SLC2A10: variants seen among roughly 807,000 people sequenced by gnomAD.
SLC2A10 encodes solute carrier family 2, facilitated glucose transporter member 10.
Under a neutral mutation model 32.1 loss-of-function variants are expected in SLC2A10, and 25 were observed. The ratio of observed to expected loss-of-function variants is 0.78; its 90% CI spans 0.57 to 1.09. SLC2A10 has a LOEUF of 1.09. SLC2A10 is among the 50% of genes least tolerant of loss of function. The probability of loss-of-function intolerance (pLI) is 0.00; values close to 1 mark genes in which losing one functional copy is unlikely to be tolerated. For synonymous variants in SLC2A10, 332 were observed against 309.6 expected, an observed-to-expected ratio of 1.07 and a Z score of -0.76; for missense variants, 673 against 686.5, an observed-to-expected ratio of 0.98 and a Z score of 0.22.
intron 4 of SLC2A10, among the ~76,000 whole-genome samples, chr20:46,732,975 G>C (rs1013568409): frequency 1.3e-5 from 2 of 152,168 alleles, no homozygotes; most frequent in Non-Finnish European, 2.9e-5. Flanking sequence ...GCCAAGGCGT[G>C]ATGAGCAAAT....
chr20:46,712,079 GA>G (rs1568978464), intron 1 of SLC2A10, among the ~76,000 whole-genome samples: 1 of 152,206 alleles, frequency 6.6e-6, no homozygotes, highest in Non-Finnish European at 1.5e-5. Context: ...AAATGGGAAT[GA>G]CAATAGTGAT....
intron 1 of SLC2A10, among the ~76,000 whole-genome samples, chr20:46,723,710 C>T (rs1185958404): frequency 1.3e-5 from 2 of 152,192 alleles, no homozygotes; most frequent in Non-Finnish European, 2.9e-5. Flanking sequence ...TTTCTCCTGC[C>T]TCATCATCTC....
At position 46,725,412 on chromosome 20, in the gene SLC2A10, C is replaced by G; in HGVS notation, c.376C>G (p.Leu126Val). ...SMACCIYVSE[L>V]VGPRQRGVLV... ...GGCTTGCTGTATCTACGTGTCAGAG[C>G]TGGTGGGGCCACGGCAGCGGGGAGT... The change falls in exon 2 of 5, where the codon CTG (leucine) becomes GTG (valine). Residue 126 changes from leucine to valine, a missense_variant. Transcript: ENST00000359271. The G allele has an allele frequency of 6.2e-7, 1 of 1,614,168 alleles. No individual in the cohort carries two copies. Among genetic ancestry groups the G allele is most frequent in the South Asian group, 1.1e-5 (1 of 91,088 alleles).
chr20:46,720,047 C>T (rs951734206), intron 1 of SLC2A10, among the ~76,000 whole-genome samples: 11 of 152,178 alleles, frequency 7.2e-5, no homozygotes, highest in Non-Finnish European at 1.3e-4. Context: ...CTTAGAGGAA[C>T]AGCATCCATT....
chr20:46,733,255 A>G (rs772946906), intron 4 of SLC2A10, among the ~76,000 whole-genome samples: 1 of 152,196 alleles, frequency 6.6e-6, no homozygotes, highest in South Asian at 2.1e-4. Context: ...CAGCCAGCAC[A>G]TCTTCCATGG....
Position 46,725,498 on chromosome 20 carries a change from C to A in SLC2A10, c.462C>A (p.Asn154Lys). 2 of 1,614,212 alleles carry A rather than the reference C, an allele frequency of 1.2e-6. No individual in the cohort carries two copies. The highest frequency in any genetic ancestry group is 4.5e-5 in the East Asian group (2 of 44,884). ...GCATCCTGCTCTCCTATGCCCTCAA[C>A]TATGCACTGGCTGGTACCCCCTGGG... ...TVGILLSYAL[N>K]YALAGTPWGW... The change falls in exon 2 of 5, where the codon AAC becomes AAA. Residue 154 changes from asparagine to lysine, a missense_variant. Asn to Lys is a moderately conservative substitution (Grantham distance 94). Coordinates refer to ENST00000359271, the MANE Select transcript of SLC2A10 (RefSeq NM_030777.4).
intron 1 of SLC2A10, among the ~76,000 whole-genome samples, chr20:46,724,627 TTGGATGGATGGATGGATGGA>T (rs112083429): frequency 7.4e-6 from 1 of 134,854 alleles, no homozygotes; most frequent in Admixed American, 7.3e-5. Context: ...TGGATGGTGG[TTGGATGGATGGATGGATGGA>T]TGGATGGATG....
In SLC2A10 at chr20:46,735,290, T is replaced by C. The variant is rs1007124816; in HGVS notation, c.*1456T>C. 2.6e-5 allele frequency: 4 copies of C among 152,646 alleles called. No individual in the cohort carries two copies. Among genetic ancestry groups the C allele is most frequent in the African/African-American group, 9.7e-5 (4 of 41,444 alleles). 9.5% of individuals were successfully genotyped at this position (152,646 alleles called of 1,614,324 possible). On this transcript the variant is annotated 3_prime_UTR_variant, in exon 5 of 5. Transcript: ENST00000359271. ...TGGCCTCTCGAGTTCTCCTATCTTCTCCATTCTAGATGCTTCCCTTGTATC... is the reference window on the plus strand; with the variant it reads ...TGGCCTCTCGAGTTCTCCTATCTTCCCCATTCTAGATGCTTCCCTTGTATC...
upstream of SLC2A10, among the ~76,000 whole-genome samples, chr20:46,708,488 T>C (rs925334649): frequency 6.6e-6 from 1 of 152,134 alleles, no homozygotes; most frequent in Admixed American, 6.5e-5. Flanking sequence ...GCACCTCAAA[T>C]GTCACACAGC....
chr20:46,715,823 T>C (rs1004131259), intron 1 of SLC2A10, among the ~76,000 whole-genome samples: 1 of 152,148 alleles, frequency 6.6e-6, no homozygotes, highest in African/African-American at 2.4e-5. Flanking sequence ...CTCAGCTGCT[T>C]ACAACTTTTT....
At chr20:46,713,952 T>C (rs1443870691) in intron 1 of SLC2A10, among the ~76,000 whole-genome samples, 3 of 152,056 alleles carry the variant, frequency 2.0e-5, no homozygotes, top group African/African-American at 4.8e-5. Context: ...GCATGGGAAT[T>C]GGTCAGGAAC....
At chr20:46,718,348 C>G (rs1322395081) in intron 1 of SLC2A10, among the ~76,000 whole-genome samples, 1 of 152,160 alleles carries the variant, frequency 6.6e-6, no homozygotes, top group African/African-American at 2.4e-5. Context: ...AAAGCATTAT[C>G]TGTTTTCTTA....
At chr20:46,733,639 G>T in intron 4 of SLC2A10, 117 bp from the exon 5 acceptor site, 1 of 807,020 alleles carries the variant, frequency 1.2e-6, no homozygotes, top group South Asian at 1.4e-5. Flanking sequence ...AGGCAGGAAG[G>T]GTCATGGTAG....
chr20:46,725,439 C>G lies in SLC2A10; in HGVS notation c.403C>G (p.Leu135Val), dbSNP rs1184143345. 3 of 1,614,156 alleles carry G rather than the reference C, an allele frequency of 1.9e-6. No homozygotes were observed. In the South Asian group the frequency reaches 3.3e-5, roughly 18 times the overall value. The change falls in exon 2 of 5, where the codon CTG becomes GTG. Residue 135 changes from leucine to valine, a missense_variant. By Grantham distance (32) the Leu-to-Val change is conservative. Transcript: ENST00000359271. ...GGTGGGGCCACGGCAGCGGGGAGTGCTGGTGTCCCTCTATGAGGCAGGCAT... is the reference window on the plus strand; with the variant it reads ...GGTGGGGCCACGGCAGCGGGGAGTGGTGGTGTCCCTCTATGAGGCAGGCAT... ...ELVGPRQRGV[L>V]VSLYEAGITV...
rs769654615 is a variant in SLC2A10, at chr20:46,727,010, G to GT, written c.1411+32dup. 41 of 1,613,486 alleles carry GT rather than the reference G, an allele frequency of 2.5e-5. No individual in the cohort carries two copies. The East Asian group carries it at 4.0e-4, about 16-fold the overall frequency. On this transcript the variant is annotated intron_variant, in intron 3 of 4. Coordinates refer to ENST00000359271, the MANE Select transcript of SLC2A10 (RefSeq NM_030777.4). The stretch of plus-strand genomic sequence containing the variant: ...TGGTGAGTCCTTCCCAGACAAGTCC[G>GT]TTTTTTTTCTGTGGCCCAAGCTCCC...
intron 1 of SLC2A10, among the ~76,000 whole-genome samples, chr20:46,712,121 C>G (rs1486946224): frequency 6.6e-6 from 1 of 152,208 alleles, no homozygotes; most frequent in Non-Finnish European, 1.5e-5. Flanking sequence ...ATTAAGCCAG[C>G]TGGTACAGAT....
intron 3 of SLC2A10, among the ~76,000 whole-genome samples, chr20:46,728,642 A>C (rs1600671069): frequency 8.2e-6 from 1 of 121,428 alleles, no homozygotes; most frequent in South Asian, 2.5e-4. Context: ...ACAGGGTCTC[A>C]CTCTGTCGCC....
In SLC2A10 at chr20:46,734,064, A is replaced by G; in HGVS notation, c.*230A>G. ...TCCTGAGGATCTAGCTTCATGCCTC[A>G]GTTTCCCCATTGACTTGCACATCTC... On this transcript the variant is annotated 3_prime_UTR_variant, in exon 5 of 5. Coordinates refer to ENST00000359271, the MANE Select transcript of SLC2A10 (RefSeq NM_030777.4). 1.7e-6 allele frequency: 1 copy of G among 597,850 alleles called. No homozygotes were observed. Among genetic ancestry groups the G allele is most frequent in the East Asian group, 2.9e-5 (1 of 35,046 alleles). 37.0% of individuals were successfully genotyped at this position (597,850 alleles called of 1,614,324 possible). A position where few individuals can be genotyped will look rare whatever the true frequency, so the allele number is the denominator to read the frequency against.
chr20:46,709,907 G>C lies in SLC2A10; in HGVS notation c.4+167G>C, dbSNP rs556655315. The C allele has an allele frequency of 4.5e-4, 317 of 706,672 alleles. No individual in the cohort carries two copies. The African/African-American group carries it at 5.5e-3, about 12-fold the overall frequency. 43.8% of individuals were successfully genotyped at this position (706,672 alleles called of 1,614,324 possible). ...CCCGAGACTGCAGGCCTGCGGCGGG[G>C]GCTGGGACGGGGCTCGGTCGCGCTT... On this transcript the variant is annotated intron_variant, in intron 1 of 4. Transcript: ENST00000359271.
Sources: gnomAD v4.1 joint callset for allele counts (sites outside exome capture counted in the v4.1 genomes callset) on GRCh38, gnomAD v4.1.1 for gene constraint, MANE v1.5 for transcripts, NCBI Gene and HGNC (gene_info 2026-07-23, HGNC 2026-07-21) for gene names.